The following EPG5 variants were observed in gnomAD, a reference collection of about 807,000 sequenced individuals.
EPG5 encodes ectopic P granules protein 5 homolog.
In EPG5, 159 loss-of-function variants were observed where a neutral mutation model predicts 302.7. The ratio of observed to expected loss-of-function variants is 0.53; its 90% CI spans 0.46 to 0.60. EPG5 has a LOEUF of 0.60. Ranked by LOEUF, EPG5 falls within the 20% of genes least tolerant of loss-of-function variation. The pLI is 0.00. For missense variants in EPG5, 2,896 were observed against 3,092.4 expected, an observed-to-expected ratio of 0.94 and a Z score of 1.51; for synonymous variants, 1,158 against 1,136.8, an observed-to-expected ratio of 1.02 and a Z score of -0.37.
At chr18:45,804,538 AGAG>A in the EPG5 span, among the ~76,000 whole-genome samples, 4 of 152,244 alleles carry the variant, frequency 2.6e-5, no homozygotes, top group African/African-American at 9.6e-5. Flanking sequence ...CACATTACAC[AGAG>A]GAGAATAATG....
chr18:45,827,869 A>G, the EPG5 span, among the ~76,000 whole-genome samples: 1 of 152,216 alleles, frequency 6.6e-6, no homozygotes, highest in Non-Finnish European at 1.5e-5. Flanking sequence ...TAGAGGAAGC[A>G]TGGGCTGTGG....
intron 22 of EPG5, 127 bp downstream of exon 22, chr18:45,912,163 A>C: frequency 1.2e-6 from 1 of 826,074 alleles, no homozygotes; most frequent in Non-Finnish European, 1.8e-6. Flanking sequence ...AGACAGAGAA[A>C]GAGTCCTCAC....
chr18:45,963,513 A>G (rs760759671), intron 1 of EPG5, among the ~76,000 whole-genome samples: 2 of 152,162 alleles, frequency 1.3e-5, no homozygotes, highest in African/African-American at 4.8e-5. Context: ...GGCAGGCACC[A>G]TAATCTGAGC....
At chr18:45,865,200 C>T (rs1443716553) in intron 39 of EPG5, among the ~76,000 whole-genome samples, 1 of 152,184 alleles carries the variant, frequency 6.6e-6, no homozygotes, top group East Asian at 1.9e-4. Flanking sequence ...TTTCATCCAG[C>T]ACCCAGTTAT....
chr18:45,883,082 G>C (rs182246537), intron 30 of EPG5, among the ~76,000 whole-genome samples: 40 of 150,462 alleles, frequency 2.7e-4, no homozygotes, highest in South Asian at 8.4e-4. Flanking sequence ...TTACTATCTA[G>C]AATCTCAGAG....
the EPG5 span, among the ~76,000 whole-genome samples, chr18:45,821,776 T>C: frequency 6.6e-6 from 1 of 151,934 alleles, no homozygotes; most frequent in Non-Finnish European, 1.5e-5. Context: ...AAACAAACAA[T>C]GCAATTAACA....
chr18:45,871,341 T>C (rs1188651763), intron 35 of EPG5, among the ~76,000 whole-genome samples: 1 of 152,092 alleles, frequency 6.6e-6, no homozygotes, highest in Non-Finnish European at 1.5e-5. Context: ...GGAGTGTAAA[T>C]TAGTACAACC....
chr18:45,860,395 T>C (rs201900333), intron 39 of EPG5, 49 bp from the exon 40 acceptor site: 10 of 1,611,750 alleles, frequency 6.2e-6, no homozygotes, highest in African/African-American at 1.3e-5. Flanking sequence ...AAAGGTACTA[T>C]CCATGTGATC....
the EPG5 span, among the ~76,000 whole-genome samples, chr18:45,815,166 A>C: frequency 6.6e-6 from 1 of 152,220 alleles, no homozygotes; most frequent in Non-Finnish European, 1.5e-5. Context: ...CTCATCAGTA[A>C]AAATGGAGAC....
intron 36 of EPG5, among the ~76,000 whole-genome samples, chr18:45,868,706 T>C (rs765305853): frequency 5.2e-4 from 78 of 150,754 alleles, no homozygotes; most frequent in Non-Finnish European, 5.8e-4. Flanking sequence ...ATTATAACAA[T>C]GTCTCCGTAT....
At chr18:45,903,839 A>T in intron 25 of EPG5, 134 bp downstream of exon 25, 4 of 889,732 alleles carry the variant, frequency 4.5e-6, no homozygotes, top group Non-Finnish European at 6.5e-6. Flanking sequence ...GTGTAAGTCA[A>T]CTGAAATCTC....
chr18:45,827,716 C>T, the EPG5 span, among the ~76,000 whole-genome samples: 12 of 152,124 alleles, frequency 7.9e-5, no homozygotes, highest in African/African-American at 2.4e-5. Context: ...AGTGGCCGCA[C>T]GATAAATAAT....
chr18:45,863,094 T>C (rs1599436041), intron 39 of EPG5, among the ~76,000 whole-genome samples: 4 of 152,224 alleles, frequency 2.6e-5, no homozygotes, highest in Admixed American at 2.6e-4. Flanking sequence ...TACAGATCTA[T>C]TTATCTGATA....
chr18:45,937,253 C>T lies in EPG5; in HGVS notation c.2100-2287G>A, dbSNP rs980595576. On this transcript the variant is annotated intron_variant, in intron 10 of 43. Transcript: ENST00000282041. ...ATATATATACACACACACACACACA[C>T]ACACACACACACACACACACACACA... Among the ~76,000 whole-genome samples, 951 of 111,034 alleles carry T rather than the reference C, an allele frequency of 8.6e-3. 9 individuals are homozygous for T. The highest frequency in any genetic ancestry group is 0.034 in the African/African-American group (831 of 24,146). 72.8% of individuals were successfully genotyped at this position (111,034 alleles called of 152,430 possible). A position where few individuals can be genotyped will look rare whatever the true frequency, so the allele number is the denominator to read the frequency against.
chr18:45,907,938 A>T lies in EPG5; in HGVS notation c.4329+20T>A, dbSNP rs963727204. On this transcript the variant is annotated intron_variant, in intron 24 of 43. Coordinates refer to ENST00000282041, the MANE Select transcript of EPG5 (RefSeq NM_020964.3). Reference sequence around the variant, plus strand: ...GATATGCTAAAAAAAAAAAAAAAAAAAGGAGGGCTATAATTTCACCTGCTG... The same window carrying T: ...GATATGCTAAAAAAAAAAAAAAAAATAGGAGGGCTATAATTTCACCTGCTG... The T allele has an allele frequency of 2.0e-6, 3 of 1,535,710 alleles. No homozygotes were observed. Among genetic ancestry groups the T allele is most frequent in the Non-Finnish European group, 2.6e-6 (3 of 1,151,674 alleles).
the EPG5 span, among the ~76,000 whole-genome samples, chr18:45,810,516 C>A: frequency 1.3e-5 from 2 of 152,144 alleles, no homozygotes; most frequent in South Asian, 4.1e-4. Flanking sequence ...ATAATCCGGC[C>A]GGGCTCAGTA....
rs746558016 is a variant in EPG5 at position 45,948,530 on chromosome 18, G to A, written c.1544C>T (p.Ser515Phe). ...NPSGVFHFMQ[S>F]LALLMSPVKN... ...GACAGGAGACATCAGCAGGGCAAGG[G>A]ATTGCATAAAATGAAAGACCCCTGA... is the stretch of plus-strand genomic sequence containing the variant. Residue 515 changes from serine to phenylalanine, a missense_variant, in exon 6 of 44, where the codon TCC (serine) becomes TTC (phenylalanine). By Grantham distance (155) the Ser-to-Phe change is radical. Transcript: ENST00000282041. 1 of 1,613,886 alleles carries A rather than the reference G, an allele frequency of 6.2e-7. No individual in the cohort carries two copies. The highest frequency in any genetic ancestry group is 1.1e-5 in the South Asian group (1 of 91,070).
intron 22 of EPG5, among the ~76,000 whole-genome samples, 160 bp from the exon 23 acceptor site, chr18:45,910,902 TC>T (rs1369376341): frequency 2.6e-5 from 4 of 152,146 alleles, no homozygotes; most frequent in Non-Finnish European, 5.9e-5. Flanking sequence ...ATTTTGATGG[TC>T]CAACAAGATG....
intron 11 of EPG5, among the ~76,000 whole-genome samples, chr18:45,934,028 G>A (rs1410918169): frequency 7.2e-5 from 11 of 152,112 alleles, no homozygotes; most frequent in Admixed American, 5.2e-4. Flanking sequence ...GGTGGCTCAC[G>A]CCTGTAATCA....
Sources: gnomAD v4.1 joint callset for allele counts (sites outside exome capture counted in the v4.1 genomes callset) on GRCh38, gnomAD v4.1.1 for gene constraint, MANE v1.5 for transcripts, NCBI Gene and HGNC (gene_info 2026-07-23, HGNC 2026-07-21) for gene names.